The following SEM1 variants were observed in gnomAD, a reference collection of about 807,000 sequenced individuals.
SEM1 encodes the protein 26S proteasome complex subunit SEM1.
Under a neutral mutation model 12.7 loss-of-function variants are expected in SEM1, and 3 were observed. The observed-to-expected ratio is 0.24, with a 90% CI of 0.11 to 0.61. SEM1 has a LOEUF of 0.61. Among genes scored for constraint, SEM1 ranks in the 20% least tolerant of loss-of-function variants. The pLI is 0.88. For synonymous variants in SEM1, 30 were observed against 27.8 expected, an observed-to-expected ratio of 1.08 and a Z score of -0.25; for missense variants, 59 against 81.3, an observed-to-expected ratio of 0.73 and a Z score of 1.06.
chr7:96,688,461 T>C (rs1789827554), downstream of SEM1: 1 of 152,320 alleles, frequency 6.6e-6, no homozygotes. Context: ...ACCTTATAAA[T>C]GTCAGCAAAT....
intron 2 of SEM1, among the ~76,000 whole-genome samples, chr7:96,522,100 C>T (rs1054000232): frequency 1.3e-5 from 2 of 152,016 alleles, no homozygotes; most frequent in East Asian, 1.9e-4. Context: ...TAATTACCCT[C>T]GAAAGGATAT....
At chr7:96,622,866 G>A in intron 2 of SEM1, 2 of 528,282 alleles carry the variant, frequency 3.8e-6, no homozygotes, top group South Asian at 5.5e-5. Context: ...TGAAATTCTA[G>A]CCACAGTGAG....
chr7:96,496,626 A>G (rs1226726683), upstream of SEM1, among the ~76,000 whole-genome samples: 1 of 152,178 alleles, frequency 6.6e-6, no homozygotes, highest in Non-Finnish European at 1.5e-5. Context: ...TTCTCCAGGA[A>G]CAATAAATGT....
chr7:96,533,906 A>G (rs1804712997), intron 2 of SEM1, among the ~76,000 whole-genome samples: 1 of 152,064 alleles, frequency 6.6e-6, no homozygotes, highest in Non-Finnish European at 1.5e-5. Context: ...CACAGGAAAA[A>G]AAAATCCAGT....
chr7:96,659,375 T>C (rs904708981), intron 2 of SEM1, among the ~76,000 whole-genome samples: 1 of 152,210 alleles, frequency 6.6e-6, no homozygotes, highest in African/African-American at 2.4e-5. Context: ...TGCCAACTTA[T>C]ACTCTCAGCA....
intron 2 of SEM1, among the ~76,000 whole-genome samples, chr7:96,678,478 T>C (rs1034114306): frequency 5.9e-5 from 9 of 152,114 alleles, no homozygotes; most frequent in Admixed American, 5.2e-4. Flanking sequence ...TTAGGAGAAA[T>C]TGCCAGTAAT....
At chr7:96,670,092 C>G (rs532236705), downstream of SEM1, among the ~76,000 whole-genome samples, 27 of 152,232 alleles carry the variant, frequency 1.8e-4, no homozygotes, top group South Asian at 1.5e-3. Flanking sequence ...ACTTTAAATA[C>G]TATTGTTAAT....
chr7:96,671,740 A>G (rs1789323451), downstream of SEM1, among the ~76,000 whole-genome samples: 1 of 152,242 alleles, frequency 6.6e-6, no homozygotes, highest in African/African-American at 2.4e-5. Context: ...GTTGAGAGGT[A>G]TAAGACATTG....
intron 2 of SEM1, among the ~76,000 whole-genome samples, chr7:96,627,106 G>T (rs1241102532): frequency 6.6e-6 from 1 of 152,008 alleles, no homozygotes; most frequent in African/African-American, 2.4e-5. Flanking sequence ...AGTATCAGTT[G>T]TAATGTCTCC....
intron 2 of SEM1, among the ~76,000 whole-genome samples, chr7:96,593,911 TG>T (rs1005600604): frequency 1.6e-4 from 24 of 151,936 alleles, no homozygotes; most frequent in African/African-American, 5.3e-4. Flanking sequence ...AAGTTGGGTT[TG>T]TTTTTTTTTT....
At chr7:96,625,179 G>A (rs1808021175) in intron 2 of SEM1, among the ~76,000 whole-genome samples, 1 of 152,134 alleles carries the variant, frequency 6.6e-6, no homozygotes, top group Non-Finnish European at 1.5e-5. Flanking sequence ...GGTGAGTACT[G>A]TGGCTACTGC....
At chr7:96,504,382 T>A (rs905997212) in intron 3 of SEM1, among the ~76,000 whole-genome samples, 3 of 152,028 alleles carry the variant, frequency 2.0e-5, no homozygotes, top group Admixed American at 2.0e-4. Flanking sequence ...CCCAGTTAGG[T>A]TTTTTCAAAA....
At chr7:96,635,062 G>A (rs147374411) in intron 2 of SEM1, among the ~76,000 whole-genome samples, 1 of 152,132 alleles carries the variant, frequency 6.6e-6, no homozygotes, top group Non-Finnish European at 1.5e-5. Flanking sequence ...AAAGTGACCA[G>A]GATAAAGTAG....
intron 2 of SEM1, among the ~76,000 whole-genome samples, chr7:96,616,202 T>C (rs774163901): frequency 6.6e-6 from 1 of 152,106 alleles, no homozygotes; most frequent in Admixed American, 6.6e-5. Context: ...CTTGCCAACA[T>C]TTATTGGTTT....
At chr7:96,660,703 C>A (rs1584843470) in intron 2 of SEM1, among the ~76,000 whole-genome samples, 1 of 152,056 alleles carries the variant, frequency 6.6e-6, no homozygotes, top group Non-Finnish European at 1.5e-5. Context: ...TTGAACAACA[C>A]AATTCATAAG....
chr7:96,663,896 T>C (rs962497293), intron 2 of SEM1, among the ~76,000 whole-genome samples: 2 of 152,192 alleles, frequency 1.3e-5, no homozygotes, highest in Admixed American at 1.3e-4. Context: ...CAAAAGTATA[T>C]GAAACGTTTC....
At chr7:96,553,860 T>C (rs1805383006) in intron 2 of SEM1, among the ~76,000 whole-genome samples, 1 of 152,222 alleles carries the variant, frequency 6.6e-6, no homozygotes, top group Non-Finnish European at 1.5e-5. Context: ...TTGTATCCTC[T>C]TTTATTTCAT....
At chr7:96,624,967 A>AT (rs1157755361) in intron 2 of SEM1, among the ~76,000 whole-genome samples, 16 of 152,210 alleles carry the variant, frequency 1.1e-4, no homozygotes, top group African/African-American at 3.9e-4. Flanking sequence ...AATACCTATC[A>AT]TATCTAGAAA....
chr7:96,562,239 G>A (rs1038034989), intron 2 of SEM1, among the ~76,000 whole-genome samples: 1 of 152,264 alleles, frequency 6.6e-6, no homozygotes, highest in South Asian at 2.1e-4. Context: ...TGGAACATGT[G>A]TCTTAATGAG....
Sources: allele counts gnomAD v4.1 joint callset (sites outside exome capture counted in the v4.1 genomes callset), GRCh38; gene constraint gnomAD v4.1.1; transcripts MANE v1.5; gene names NCBI Gene and HGNC (gene_info 2026-07-23, HGNC 2026-07-21).